Variants in PPFIA2 observed in about 807,000 individuals in gnomAD.
The protein encoded by PPFIA2 is liprin-alpha-2.
In PPFIA2, 46 loss-of-function variants were observed where a neutral mutation model predicts 175.5. That is an observed-to-expected ratio of 0.26 (90% confidence interval 0.21 to 0.34). The LOEUF (loss-of-function observed/expected upper bound fraction) is 0.34, where lower values mean the gene tolerates loss of function less well. Ranked by LOEUF, PPFIA2 falls within the 10% of genes least tolerant of loss-of-function variation. PPFIA2 has a pLI of 1.00. For missense variants in PPFIA2, 1,179 were observed against 1,506.1 expected, an observed-to-expected ratio of 0.78 and a Z score of 3.60; for synonymous variants, 568 against 511.4, an observed-to-expected ratio of 1.11 and a Z score of -1.49.
At chr12:81,277,467 G>C in intron 27 of PPFIA2, 53 bp from the exon 28 acceptor site, 1 of 1,436,270 alleles carries the variant, frequency 7.0e-7, no homozygotes, top group Non-Finnish European at 9.1e-7. Flanking sequence ...TTAGCAGGTG[G>C]AGAAAGTTTT....
chr12:81,389,881 A>G (rs1271141115), intron 8 of PPFIA2, among the ~76,000 whole-genome samples: 2 of 152,096 alleles, frequency 1.3e-5, no homozygotes, highest in African/African-American at 2.4e-5. Flanking sequence ...TTGCGCAACT[A>G]TCAACATTAG....
chr12:81,325,041 A>C (rs1023448200), intron 22 of PPFIA2, among the ~76,000 whole-genome samples: 7 of 152,070 alleles, frequency 4.6e-5, no homozygotes, highest in Non-Finnish European at 8.8e-5. Context: ...AAGAAGGAAA[A>C]TGTGAAAACC....
chr12:81,732,411 C>T (rs1049850681), intron 3 of PPFIA2, among the ~76,000 whole-genome samples: 8 of 149,842 alleles, frequency 5.3e-5, no homozygotes, highest in Non-Finnish European at 1.2e-4. Flanking sequence ...AGAGCAAGGA[C>T]AGAGAAGTAT....
chr12:81,612,910 C>A (rs2061074062), intron 4 of PPFIA2, among the ~76,000 whole-genome samples: 1 of 152,070 alleles, frequency 6.6e-6, no homozygotes, highest in Admixed American at 6.6e-5. Context: ...TATTTGTTAA[C>A]TGTTTTTCTC....
chr12:81,680,066 A>AGG (rs756546289), intron 3 of PPFIA2, among the ~76,000 whole-genome samples: 3 of 152,000 alleles, frequency 2.0e-5, no homozygotes, highest in South Asian at 4.1e-4. Context: ...TAACAACAAA[A>AGG]GGGGACATCA....
intron 3 of PPFIA2, among the ~76,000 whole-genome samples, chr12:81,733,071 T>C (rs943216295): frequency 2.0e-5 from 3 of 151,576 alleles, no homozygotes; most frequent in African/African-American, 7.3e-5. Flanking sequence ...ACTGAAATAT[T>C]TTATAAATTA....
At chr12:81,345,018 T>C (rs2058806691) in intron 18 of PPFIA2, among the ~76,000 whole-genome samples, 1 of 152,056 alleles carries the variant, frequency 6.6e-6, no homozygotes, top group Non-Finnish European at 1.5e-5. Context: ...GTGAGCTAGC[T>C]AGAAATAAAC....
intron 22 of PPFIA2, among the ~76,000 whole-genome samples, chr12:81,309,732 C>G (rs2050251797): frequency 6.6e-6 from 1 of 152,022 alleles, no homozygotes; most frequent in Non-Finnish European, 1.5e-5. Context: ...TCAAGCTTCT[C>G]TGAAATATAG....
intron 4 of PPFIA2, among the ~76,000 whole-genome samples, chr12:81,537,433 G>C (rs1005011906): frequency 1.3e-5 from 2 of 151,708 alleles, no homozygotes; most frequent in African/African-American, 4.8e-5. Flanking sequence ...ATAATCAAAG[G>C]CATCCAAAAA....
At chr12:81,700,627 G>A (rs1345226176) in intron 3 of PPFIA2, among the ~76,000 whole-genome samples, 2 of 151,960 alleles carry the variant, frequency 1.3e-5, no homozygotes, top group African/African-American at 4.8e-5. Flanking sequence ...TTCCACTTCT[G>A]GCATTGTGCA....
At chr12:81,533,290 T>C (rs1411625834) in intron 4 of PPFIA2, among the ~76,000 whole-genome samples, 1 of 151,878 alleles carries the variant, frequency 6.6e-6, no homozygotes, top group East Asian at 1.9e-4. Flanking sequence ...TAAAAGGATA[T>C]TCTATAAAGG....
intron 22 of PPFIA2, among the ~76,000 whole-genome samples, chr12:81,310,902 A>G (rs1224738399): frequency 1.3e-5 from 2 of 152,194 alleles, no homozygotes; most frequent in African/African-American, 4.8e-5. Context: ...AATATTACAA[A>G]GTACAAGAAT....
chr12:81,446,918 G>C (rs191075763), intron 5 of PPFIA2, among the ~76,000 whole-genome samples: 17 of 152,100 alleles, frequency 1.1e-4, no homozygotes, highest in African/African-American at 4.1e-4. Context: ...CAAAATGTTA[G>C]AAAACTTTGC....
At chr12:81,433,993 T>A (rs1206952460) in intron 7 of PPFIA2, among the ~76,000 whole-genome samples, 1 of 152,124 alleles carries the variant, frequency 6.6e-6, no homozygotes, top group African/African-American at 2.4e-5. Flanking sequence ...TGAGGAAATA[T>A]GTTTTCAATG....
chr12:81,265,068 G>A lies in PPFIA2; in HGVS notation c.3556-1678C>T, dbSNP rs140659043. ...AGCATTTTGGGAGGCTGAGGTGGGC[G>A]GATCACCTGAGGTCAGGAGTTCCAG... On this transcript the variant is annotated intron_variant, in intron 30 of 32. Transcript: ENST00000549396. 1.7e-3 allele frequency among the ~76,000 whole-genome samples: 250 copies of A among 151,014 alleles called. 3 individuals carry two copies. The highest frequency in any genetic ancestry group is 5.7e-3 in the African/African-American group (238 of 41,438).
intron 22 of PPFIA2, among the ~76,000 whole-genome samples, chr12:81,309,137 A>G (rs1199719834): frequency 6.6e-6 from 1 of 152,188 alleles, no homozygotes; most frequent in Non-Finnish European, 1.5e-5. Flanking sequence ...TGTAAAATGT[A>G]TATTGTTTCA....
intron 4 of PPFIA2, among the ~76,000 whole-genome samples, chr12:81,485,845 A>G (rs951623394): frequency 1.3e-5 from 2 of 151,908 alleles, no homozygotes; most frequent in African/African-American, 2.4e-5. Flanking sequence ...TTAAATGTAT[A>G]ATAATATAAG....
chr12:81,742,500 G>T (rs1345792704), intron 3 of PPFIA2, among the ~76,000 whole-genome samples: 1 of 152,160 alleles, frequency 6.6e-6, no homozygotes, highest in Non-Finnish European at 1.5e-5. Flanking sequence ...CTGAAGTTTT[G>T]GGCCTAAGCC....
At chr12:81,400,359 C>A (rs2041911154) in intron 8 of PPFIA2, among the ~76,000 whole-genome samples, 1 of 152,112 alleles carries the variant, frequency 6.6e-6, no homozygotes, top group Admixed American at 6.6e-5. Flanking sequence ...GTCCACAAAA[C>A]CCTTAATTTT....
Sources: allele counts gnomAD v4.1 joint callset (sites outside exome capture counted in the v4.1 genomes callset), GRCh38; gene constraint gnomAD v4.1.1; transcripts MANE v1.5; gene names NCBI Gene and HGNC (gene_info 2026-07-23, HGNC 2026-07-21).